METTL15: variants seen among roughly 807,000 people sequenced by gnomAD.
The protein encoded by METTL15 is 12S rRNA N(4)-cytidine methyltransferase METTL15.
METTL15 carries 34 observed loss-of-function variants against 38.3 expected under a neutral mutation model. The ratio of observed to expected loss-of-function variants is 0.89; its 90% CI spans 0.68 to 1.18. The LOEUF is 1.18. METTL15 is among the 50% of genes most tolerant of loss of function. METTL15 has a pLI of 0.00. For synonymous variants in METTL15, 162 were observed against 170.9 expected (o/e 0.95, Z 0.41); for missense variants, 438 against 498.4 (o/e 0.88, Z 1.15).
At chr11:28,502,735 G>C (rs1046751838) in intron 6 of METTL15, among the ~76,000 whole-genome samples, 3 of 152,130 alleles carry the variant, frequency 2.0e-5, no homozygotes, top group Non-Finnish European at 4.4e-5. Flanking sequence ...CTGGGATGTT[G>C]AGGGTTGTGA....
At chr11:28,281,444 C>A (rs530013017) in intron 4 of METTL15, among the ~76,000 whole-genome samples, 1 of 152,264 alleles carries the variant, frequency 6.6e-6, no homozygotes, top group Admixed American at 6.5e-5. Flanking sequence ...TAGTGGAATA[C>A]CTGCTCCAAT....
At chr11:28,396,147 G>T (rs1009204333) in intron 5 of METTL15, among the ~76,000 whole-genome samples, 11 of 152,080 alleles carry the variant, frequency 7.2e-5, no homozygotes, top group African/African-American at 2.4e-4. Flanking sequence ...ACACTGAATG[G>T]GCAAAAACTG....
intron 4 of METTL15, among the ~76,000 whole-genome samples, chr11:28,214,948 AAG>A (rs1377037409): frequency 6.6e-6 from 1 of 152,184 alleles, no homozygotes. Flanking sequence ...CCCTATAACA[AAG>A]AGAGGTTGAC....
At chr11:28,295,493 C>T (rs1397683175) in intron 5 of METTL15, among the ~76,000 whole-genome samples, 4 of 151,688 alleles carry the variant, frequency 2.6e-5, no homozygotes, top group South Asian at 2.1e-4. Context: ...GTAAGCTACT[C>T]GGGAGGCTGA....
chr11:28,459,271 A>G (rs569220265), intron 6 of METTL15, among the ~76,000 whole-genome samples: 38 of 152,290 alleles, frequency 2.5e-4, no homozygotes, highest in African/African-American at 8.4e-4. Flanking sequence ...GTCTCTTACA[A>G]TATCATTTTC....
chr11:28,133,616 G>A (rs547581899), intron 3 of METTL15, among the ~76,000 whole-genome samples: 22 of 152,254 alleles, frequency 1.4e-4, no homozygotes, highest in Non-Finnish European at 2.5e-4. Flanking sequence ...CTTCCATGCT[G>A]TCTTTTGGAT....
chr11:28,254,233 A>G (rs573559826), intron 4 of METTL15, among the ~76,000 whole-genome samples: 1 of 152,234 alleles, frequency 6.6e-6, no homozygotes, highest in Admixed American at 6.5e-5. Flanking sequence ...ATGATCACTG[A>G]TGTTGAGCAT....
At chr11:28,120,607 G>T (rs1852187363) in intron 3 of METTL15, among the ~76,000 whole-genome samples, 1 of 151,950 alleles carries the variant, frequency 6.6e-6, no homozygotes, top group Non-Finnish European at 1.5e-5. Flanking sequence ...ATGGAATGTA[G>T]ATTTAGTCTC....
intron 4 of METTL15, among the ~76,000 whole-genome samples, chr11:28,259,556 CTGACCTGGCTATAGCTGG>C: frequency 6.6e-6 from 1 of 152,160 alleles, no homozygotes; most frequent in Non-Finnish European, 1.5e-5. Flanking sequence ...TACTTAAGTT[CTGACCTGGCTATAGCTGG>C]TTTAAATGTT....
At chr11:28,426,575 C>G (rs1296875270) in intron 6 of METTL15, among the ~76,000 whole-genome samples, 3 of 146,700 alleles carry the variant, frequency 2.0e-5, no homozygotes, top group Non-Finnish European at 3.0e-5. Flanking sequence ...TGTAACCTTG[C>G]CAGCATCTGT....
chr11:28,491,313 A>G (rs1851492771), intron 6 of METTL15, among the ~76,000 whole-genome samples: 1 of 152,162 alleles, frequency 6.6e-6, no homozygotes. Context: ...TGGCCATTTC[A>G]TTCTTGATTC....
intron 4 of METTL15, among the ~76,000 whole-genome samples, chr11:28,237,415 T>G (rs60904507): frequency 0.026 from 4,011 of 152,316 alleles, 180 homozygotes; most frequent in African/African-American, 0.092. Flanking sequence ...GCTTCTGCAT[T>G]CTTCACGTAG....
intron 3 of METTL15, among the ~76,000 whole-genome samples, chr11:28,341,225 C>G (rs1384447300): frequency 6.6e-6 from 1 of 152,104 alleles, no homozygotes; most frequent in Non-Finnish European, 1.5e-5. Flanking sequence ...TTGTAGATGA[C>G]TGGTTGATGG....
chr11:28,439,020 A>G (rs1851009385), intron 6 of METTL15, among the ~76,000 whole-genome samples: 1 of 17,824 alleles, frequency 5.6e-5, no homozygotes, highest in Non-Finnish European at 4.1e-4. Context: ...TATGTGAAGA[A>G]TGCAAAAAAA....
intron 5 of METTL15, among the ~76,000 whole-genome samples, chr11:28,390,882 G>C (rs1295702384): frequency 6.6e-6 from 1 of 152,090 alleles, no homozygotes; most frequent in East Asian, 1.9e-4. Flanking sequence ...TCTTCCATTT[G>C]TTTGTATCCT....
chr11:28,530,810 G>T (rs2133521532), downstream of METTL15, among the ~76,000 whole-genome samples: 1 of 151,774 alleles, frequency 6.6e-6, no homozygotes, highest in East Asian at 1.9e-4. Context: ...CCCAACTGAA[G>T]AAATTATTTC....
At chr11:28,355,340 G>A (rs941262118) in intron 4 of METTL15, among the ~76,000 whole-genome samples, 10 of 152,158 alleles carry the variant, frequency 6.6e-5, no homozygotes, top group African/African-American at 2.4e-4. Flanking sequence ...GAGCCTGGGG[G>A]AAAAATTTTA....
intron 4 of METTL15, among the ~76,000 whole-genome samples, chr11:28,272,307 T>C (rs1458904307): frequency 6.6e-6 from 1 of 152,096 alleles, no homozygotes; most frequent in East Asian, 1.9e-4. Flanking sequence ...AGCAAATACT[T>C]GGAACCAACT....
intron 6 of METTL15, among the ~76,000 whole-genome samples, chr11:28,452,074 G>A (rs1394903538): frequency 6.6e-6 from 1 of 152,164 alleles, no homozygotes; most frequent in East Asian, 1.9e-4. Flanking sequence ...AAGTGTTTTG[G>A]GGGACCCTGG....
Sources: allele counts gnomAD v4.1 joint callset (sites outside exome capture counted in the v4.1 genomes callset), GRCh38; gene constraint gnomAD v4.1.1; transcripts MANE v1.5; gene names NCBI Gene and HGNC (gene_info 2026-07-23, HGNC 2026-07-21).